UNC5C: variants seen among roughly 807,000 people sequenced by gnomAD.
The protein encoded by UNC5C is unc-5 netrin receptor C, also known as netrin receptor UNC5C.
A neutral mutation model predicts 99.8 loss-of-function variants in UNC5C; 47 were observed. The observed-to-expected ratio is 0.47, with a 90% confidence interval of 0.37 to 0.60. The LOEUF (loss-of-function observed/expected upper bound fraction) is 0.60, where lower values mean the gene tolerates loss of function less well. Ranked by LOEUF, UNC5C falls within the 20% of genes least tolerant of loss-of-function variation. UNC5C has a pLI of 0.00. For missense variants in UNC5C, 1,062 were observed against 1,165.9 expected, an observed-to-expected ratio of 0.91 and a Z score of 1.30; for synonymous variants, 487 against 452.2, an observed-to-expected ratio of 1.08 and a Z score of -0.98.
chr4:95,532,440 C>G (rs1281966226), intron 1 of UNC5C, among the ~76,000 whole-genome samples: 2 of 132,558 alleles, frequency 1.5e-5, no homozygotes, highest in African/African-American at 6.2e-5. Flanking sequence ...TGCATTCACC[C>G]AACATCATTA....
At chr4:95,459,852 C>A (rs1056468514) in intron 1 of UNC5C, among the ~76,000 whole-genome samples, 1 of 152,086 alleles carries the variant, frequency 6.6e-6, no homozygotes, top group African/African-American at 2.4e-5. Flanking sequence ...AAGTTTGAAA[C>A]AAGTATTCTT....
Position 95,180,941 on chromosome 4 carries a change from T to C in UNC5C, c.2451+1956A>G, listed in dbSNP as rs115635178. ...CTTGTACCCTTTCTTGAAGGTTTTG[T>C]TGAGGATCTGGGTCCCATAACTCTA... is the stretch of plus-strand genomic sequence containing the variant. On this transcript the variant is annotated intron_variant, in intron 14 of 15. Transcript: ENST00000453304. Among the ~76,000 whole-genome samples the C allele has an allele frequency of 9.3e-3, 1,417 of 152,288 alleles. 24 individuals carry two copies. The highest frequency in any genetic ancestry group is 0.031 in the African/African-American group (1,304 of 41,554).
intron 2 of UNC5C, among the ~76,000 whole-genome samples, chr4:95,333,660 A>G (rs1374867349): frequency 1.3e-5 from 2 of 152,160 alleles, no homozygotes; most frequent in Non-Finnish European, 2.9e-5. Context: ...AACATGGCAC[A>G]TGTATACATA....
At chr4:95,214,378 C>CCTAA (rs1738175791) in intron 10 of UNC5C, among the ~76,000 whole-genome samples, 1 of 152,196 alleles carries the variant, frequency 6.6e-6, no homozygotes, top group Admixed American at 6.5e-5. Context: ...TCCCTCTGCA[C>CCTAA]CTAACTTCAG....
At chr4:95,303,076 G>T (rs1388734828) in intron 2 of UNC5C, among the ~76,000 whole-genome samples, 1 of 152,116 alleles carries the variant, frequency 6.6e-6, no homozygotes, top group Non-Finnish European at 1.5e-5. Context: ...TTAGGAGTTT[G>T]AGAATTTAGG....
At chr4:95,305,058 C>A (rs1742013070) in intron 2 of UNC5C, among the ~76,000 whole-genome samples, 1 of 152,186 alleles carries the variant, frequency 6.6e-6, no homozygotes, top group Admixed American at 6.5e-5. Context: ...TTGGCTCAGG[C>A]TCCCTGTGGG....
chr4:95,397,066 A>C (rs1056821734), intron 1 of UNC5C, among the ~76,000 whole-genome samples: 1 of 152,144 alleles, frequency 6.6e-6, no homozygotes, highest in Non-Finnish European at 1.5e-5. Flanking sequence ...CAGGGAAAAA[A>C]GGAAGGGTGG....
intron 1 of UNC5C, among the ~76,000 whole-genome samples, chr4:95,548,031 C>T (rs1321178074): frequency 6.6e-6 from 1 of 152,220 alleles, no homozygotes; most frequent in Non-Finnish European, 1.5e-5. Flanking sequence ...TCCCCCAGAG[C>T]TCCGGGATTT....
intron 1 of UNC5C, among the ~76,000 whole-genome samples, chr4:95,479,904 T>C (rs1721084067): frequency 6.6e-6 from 1 of 151,906 alleles, no homozygotes; most frequent in Non-Finnish European, 1.5e-5. Context: ...AGAACGGGCC[T>C]CATCTAATCT....
At chr4:95,311,037 C>T (rs1260256847) in intron 2 of UNC5C, among the ~76,000 whole-genome samples, 1 of 152,146 alleles carries the variant, frequency 6.6e-6, no homozygotes, top group African/African-American at 2.4e-5. Flanking sequence ...TTCCAACTAA[C>T]ATCAAACTTA....
chr4:95,351,331 CTT>C (rs34484505), intron 1 of UNC5C, among the ~76,000 whole-genome samples: 23 of 146,346 alleles, frequency 1.6e-4, no homozygotes, highest in Admixed American at 4.8e-4. Context: ...TAGGGTTAGG[CTT>C]TTTTTTTTTT....
At chr4:95,511,663 C>A (rs547626831) in intron 1 of UNC5C, among the ~76,000 whole-genome samples, 1 of 152,234 alleles carries the variant, frequency 6.6e-6, no homozygotes, top group African/African-American at 2.4e-5. Context: ...GATCTGCTCT[C>A]AACGCAGCTT....
Position 95,237,619 on chromosome 4 carries a change from A to G in UNC5C, c.1108+4810T>C, listed in dbSNP as rs537106157. On this transcript the variant is annotated intron_variant, in intron 7 of 15. Coordinates refer to ENST00000453304, the MANE Select transcript of UNC5C (RefSeq NM_003728.4). Reference sequence around the variant, plus strand: ...AAGCATTCTAAAAACTATAAAGCCCATAATAAAACTCTATATTCAAACTAT... The same window carrying G: ...AAGCATTCTAAAAACTATAAAGCCCGTAATAAAACTCTATATTCAAACTAT... Among the ~76,000 whole-genome samples the G allele has an allele frequency of 3.3e-5, 5 of 152,334 alleles. No individual in the cohort carries two copies. The South Asian group carries it at 1.0e-3, about 32-fold the overall frequency.
At chr4:95,376,328 A>T (rs2149440377) in intron 1 of UNC5C, among the ~76,000 whole-genome samples, 1 of 152,156 alleles carries the variant, frequency 6.6e-6, no homozygotes, top group Non-Finnish European at 1.5e-5. Flanking sequence ...ACAGTAATCC[A>T]GTTTCTACTC....
intron 1 of UNC5C, among the ~76,000 whole-genome samples, chr4:95,404,066 A>G (rs1337557407): frequency 2.6e-5 from 4 of 152,186 alleles, no homozygotes; most frequent in Non-Finnish European, 5.9e-5. Flanking sequence ...TTTTTTTGAA[A>G]AGAATCGCTT....
At position 95,337,172 on chromosome 4, in the gene UNC5C, T is replaced by C. The variant is rs1483750; in HGVS notation, c.125-1541A>G. Among the ~76,000 whole-genome samples the C allele has an allele frequency of 0.044, 6,645 of 151,972 alleles. 804 individuals carry two copies. The East Asian group carries it at 0.51, about 12-fold the overall frequency. On this transcript the variant is annotated intron_variant, in intron 1 of 15. Coordinates refer to ENST00000453304, the MANE Select transcript of UNC5C (RefSeq NM_003728.4). ...TCCGCAAAACATGACTCAAATTCTA[T>C]AGAAGTTAGCTGTTGGTTTTAATTA...
chr4:95,361,717 T>C (rs1190239818), intron 1 of UNC5C, among the ~76,000 whole-genome samples: 1 of 152,186 alleles, frequency 6.6e-6, no homozygotes, highest in Non-Finnish European at 1.5e-5. Context: ...CATTGGATTG[T>C]TTTTTGTTGA....
In UNC5C at chr4:95,359,316, TTTTA is replaced by T. The variant is rs375237711; in HGVS notation, c.125-23689_125-23686del. The stretch of plus-strand genomic sequence containing the variant: ...TTGTACAAATAAACAGAAAATAATG[TTTTA>T]TTTGTTTACAAATTTAAGAATCAGG... On this transcript the variant is annotated intron_variant, in intron 1 of 15. Transcript: ENST00000453304. Among the ~76,000 whole-genome samples the T allele has an allele frequency of 1.0e-3, 153 of 152,308 alleles. 3 individuals carry two copies. The highest frequency in any genetic ancestry group is 3.2e-3 in the African/African-American group (132 of 41,600).
At chr4:95,181,637 G>GT (rs1736616552) in intron 14 of UNC5C, among the ~76,000 whole-genome samples, 1 of 151,878 alleles carries the variant, frequency 6.6e-6, no homozygotes, top group African/African-American at 2.4e-5. Flanking sequence ...AGGCCTGGCG[G>GT]TTGCCATGGC....
Sources: allele counts gnomAD v4.1 joint callset (sites outside exome capture counted in the v4.1 genomes callset), GRCh38; gene constraint gnomAD v4.1.1; transcripts MANE v1.5; gene names NCBI Gene and HGNC (gene_info 2026-07-23, HGNC 2026-07-21).